The following LINGO2 variants were observed in gnomAD, a reference collection of about 807,000 sequenced individuals.
The protein encoded by LINGO2 is leucine-rich repeat and immunoglobulin-like domain-containing nogo receptor-interacting protein 2.
A neutral mutation model predicts 30.6 loss-of-function variants in LINGO2; 14 were observed. The observed-to-expected ratio is 0.46, with a 90% confidence interval of 0.30 to 0.72. The LOEUF (loss-of-function observed/expected upper bound fraction) is 0.72. Among genes scored for constraint, LINGO2 ranks in the 30% least tolerant of loss-of-function variants. The pLI is 0.07. For synonymous variants in LINGO2, 317 were observed against 288.5 expected, an observed-to-expected ratio of 1.10 and a Z score of -1.00; for missense variants, 729 against 751.7, an observed-to-expected ratio of 0.97 and a Z score of 0.35.
the LINGO2 span, among the ~76,000 whole-genome samples, chr9:28,675,679 T>G: frequency 6.6e-6 from 1 of 151,748 alleles, no homozygotes; most frequent in Non-Finnish European, 1.5e-5. Flanking sequence ...GAGACCAGCC[T>G]GGACAACATG....
At chr9:29,052,219 T>C in the LINGO2 span, among the ~76,000 whole-genome samples, 1 of 152,158 alleles carries the variant, frequency 6.6e-6, no homozygotes, top group East Asian at 1.9e-4. Context: ...CACTAAAACC[T>C]ACTATTTATT....
intron 3 of LINGO2, among the ~76,000 whole-genome samples, chr9:28,334,253 G>C (rs1825516832): frequency 1.3e-5 from 2 of 151,950 alleles, no homozygotes; most frequent in South Asian, 4.1e-4. Context: ...GAGGAAAAAA[G>C]GTACTATGAG....
intron 5 of LINGO2, among the ~76,000 whole-genome samples, chr9:27,974,200 G>C (rs1820486010): frequency 1.3e-5 from 2 of 152,132 alleles, no homozygotes; most frequent in South Asian, 4.1e-4. Context: ...GGCCCTGAGA[G>C]GATGAGGATT....
chr9:28,632,881 T>TATAGAG (rs1554648086), intron 1 of LINGO2, among the ~76,000 whole-genome samples: 12 of 61,914 alleles, frequency 1.9e-4, no homozygotes, highest in African/African-American at 8.3e-4. Flanking sequence ...TATATATATG[T>TATAGAG]AGAGAGAGAG....
chr9:28,578,354 T>C lies in LINGO2; in HGVS notation c.-365+91846A>G, dbSNP rs540699256. On this transcript the variant is annotated intron_variant, in intron 1 of 5. Transcript: ENST00000379992. ...GTCTCAGCAGCTGTCATTCATTCTCTAGCCAGATTTAGGTAACAGATTAAA... is the reference window on the plus strand; with the variant it reads ...GTCTCAGCAGCTGTCATTCATTCTCCAGCCAGATTTAGGTAACAGATTAAA... 6.5e-4 allele frequency among the ~76,000 whole-genome samples: 99 copies of C among 152,266 alleles called. 1 individual carries two copies. Among genetic ancestry groups the C allele is most frequent in the African/African-American group, 2.4e-3 (98 of 41,568 alleles).
chr9:28,655,267 A>G (rs1277404035), intron 1 of LINGO2, among the ~76,000 whole-genome samples: 1 of 151,706 alleles, frequency 6.6e-6, no homozygotes, highest in Admixed American at 6.6e-5. Context: ...TTTCCCTGGC[A>G]TGGCACCTGT....
chr9:28,784,078 G>A, the LINGO2 span, among the ~76,000 whole-genome samples: 2 of 152,100 alleles, frequency 1.3e-5, no homozygotes, highest in African/African-American at 4.8e-5. Flanking sequence ...TTTGGAGGGG[G>A]ACACAAACAT....
chr9:29,068,041 A>G, the LINGO2 span, among the ~76,000 whole-genome samples: 59,741 of 151,620 alleles, frequency 0.39, 12,180 homozygotes, highest in African/African-American at 0.5. Context: ...TTCTGCATCA[A>G]AATGAAAGAG....
At chr9:28,417,577 A>G (rs544727754) in intron 2 of LINGO2, among the ~76,000 whole-genome samples, 1 of 152,314 alleles carries the variant, frequency 6.6e-6, no homozygotes, top group East Asian at 1.9e-4. Flanking sequence ...TTCCCTGCAG[A>G]AACATCAGGT....
chr9:28,762,033 T>C, the LINGO2 span, among the ~76,000 whole-genome samples: 1 of 151,742 alleles, frequency 6.6e-6, no homozygotes, highest in Non-Finnish European at 1.5e-5. Flanking sequence ...TGTACCTTTG[T>C]GGACAGGATT....
intron 2 of LINGO2, among the ~76,000 whole-genome samples, chr9:28,445,779 C>T (rs778096821): frequency 3.9e-5 from 6 of 151,964 alleles, no homozygotes; most frequent in Admixed American, 3.9e-4. Context: ...GACAATGTTA[C>T]TTATTGTTGG....
chr9:28,055,685 CTTCT>C (rs893380075), intron 4 of LINGO2, among the ~76,000 whole-genome samples: 5 of 152,140 alleles, frequency 3.3e-5, no homozygotes, highest in South Asian at 2.1e-4. Flanking sequence ...AAACAAAATG[CTTCT>C]TTGTTAACTA....
intron 2 of LINGO2, among the ~76,000 whole-genome samples, chr9:28,440,768 T>A (rs2135013994): frequency 6.6e-6 from 1 of 152,320 alleles, no homozygotes; most frequent in South Asian, 2.1e-4. Flanking sequence ...AGCTGAAACA[T>A]ACTACATATG....
chr9:28,118,798 T>A (rs550321196), intron 4 of LINGO2, among the ~76,000 whole-genome samples: 30 of 152,294 alleles, frequency 2.0e-4, no homozygotes, highest in African/African-American at 6.7e-4. Flanking sequence ...CTACATCTAG[T>A]AAAGGACAAA....
At chr9:28,560,904 A>C (rs1490923946) in intron 1 of LINGO2, among the ~76,000 whole-genome samples, 3 of 152,104 alleles carry the variant, frequency 2.0e-5, no homozygotes, top group African/African-American at 7.2e-5. Context: ...CGAACTCCTG[A>C]GCTCAAGTGA....
intron 4 of LINGO2, among the ~76,000 whole-genome samples, chr9:28,122,353 C>T (rs950664432): frequency 9.9e-5 from 15 of 152,132 alleles, no homozygotes; most frequent in African/African-American, 3.4e-4. Flanking sequence ...TGTATATAAA[C>T]ACACGGATTA....
At chr9:28,266,926 G>T (rs1461539021) in intron 4 of LINGO2, among the ~76,000 whole-genome samples, 1 of 152,052 alleles carries the variant, frequency 6.6e-6, no homozygotes, top group African/African-American at 2.4e-5. Context: ...TAATACACTA[G>T]CTGTGCCCCG....
chr9:29,067,694 G>A, the LINGO2 span, among the ~76,000 whole-genome samples: 1 of 150,218 alleles, frequency 6.7e-6, no homozygotes, highest in South Asian at 2.1e-4. Flanking sequence ...TTCAAGAGAG[G>A]CAGGAAGTAC....
chr9:28,719,056 G>T, the LINGO2 span, among the ~76,000 whole-genome samples: 2 of 151,898 alleles, frequency 1.3e-5, no homozygotes, highest in South Asian at 2.1e-4. Context: ...TGAAACCATC[G>T]GATGGAAACT....
Sources: allele counts gnomAD v4.1 joint callset (sites outside exome capture counted in the v4.1 genomes callset), GRCh38; gene constraint gnomAD v4.1.1; transcripts MANE v1.5; gene names NCBI Gene and HGNC (gene_info 2026-07-23, HGNC 2026-07-21).